Variants in GATAD2A observed in about 807,000 individuals in gnomAD.
The protein encoded by GATAD2A is GATA zinc finger domain containing 2A, also known as transcriptional repressor p66-alpha.
Under a neutral mutation model 68.5 loss-of-function variants are expected in GATAD2A, and 12 were observed. That is an observed-to-expected ratio of 0.18 (90% CI 0.11 to 0.28). GATAD2A has a LOEUF of 0.28. Among genes scored for constraint, GATAD2A ranks in the 10% least tolerant of loss-of-function variants. The probability of loss-of-function intolerance (pLI) is 1.00; values close to 1 mark genes in which losing one functional copy is unlikely to be tolerated. For synonymous variants in GATAD2A, 410 were observed against 375.3 expected (o/e 1.09, Z -1.07); for missense variants, 755 against 868.5 (o/e 0.87, Z 1.64).
intron 1 of GATAD2A, among the ~76,000 whole-genome samples, chr19:19,432,729 G>T (rs2053894093): frequency 6.6e-6 from 1 of 152,246 alleles, no homozygotes; most frequent in Non-Finnish European, 1.5e-5. Flanking sequence ...GGGTCCTAGT[G>T]TGTTGGAGGC....
rs1264672433 is a variant in GATAD2A, at chr19:19,492,332, C to T, written c.296C>T (p.Pro99Leu). The change falls in exon 3 of 12, where the codon CCC becomes CTC. Residue 99 changes from proline (P) to leucine (L), a missense_variant. Pro to Leu is a moderately conservative substitution (Grantham distance 98). Coordinates refer to ENST00000683918, the MANE Select transcript of GATAD2A (RefSeq NM_001384528.1). ...GACATGAAGTCCGAGAGGAGACCCC[C>T]CTCACCTGACGTGATTGTGCTCTCC... is the stretch of plus-strand genomic sequence containing the variant. ...HSDMKSERRP[P>L]SPDVIVLSDN... The T allele has an allele frequency of 6.2e-7, 1 of 1,607,648 alleles. No homozygotes were observed. Among genetic ancestry groups the T allele is most frequent in the African/African-American group, 1.3e-5 (1 of 74,806 alleles).
chr19:19,501,368 A>G lies in GATAD2A; in HGVS notation c.1455A>G (p.Ala485=). 6.2e-7 allele frequency: 1 copy of G among 1,610,998 alleles called. No homozygotes were observed. The highest frequency in any genetic ancestry group is 8.5e-7 in the Non-Finnish European group (1 of 1,179,196). Residue 485 remains alanine (A), a synonymous_variant, in exon 9 of 12, where the codon GCA becomes GCG. Transcript: ENST00000683918. ...TCCTGCAGCAGGGCACGGCCCCTGC[A>G]CAGGCCAAGGCCGAGCCCACCGCTG... ...QRLLQQGTAP[A]QAKAEPTAAP... is the part of the protein sequence containing the mutation.
In GATAD2A at chr19:19,472,151, C is replaced by A. The variant is rs149856362; in HGVS notation, c.269+6537C>A. ...ATCTCAAGTGATCCTCCTGCCTCAG[C>A]CTCCCAAAGTGCTGGGATTATAGAT... On this transcript the variant is annotated intron_variant, in intron 2 of 11. Transcript: ENST00000683918. 1.1e-3 allele frequency among the ~76,000 whole-genome samples: 164 copies of A among 152,328 alleles called. 1 individual carries two copies. Among genetic ancestry groups the A allele is most frequent in the African/African-American group, 3.7e-3 (152 of 41,562 alleles).
chr19:19,455,616 A>G (rs1600173256), intron 1 of GATAD2A, among the ~76,000 whole-genome samples: 1 of 152,236 alleles, frequency 6.6e-6, no homozygotes, highest in South Asian at 2.1e-4. Flanking sequence ...GAGTATTATA[A>G]GTAATCTAGA....
intron 5 of GATAD2A, 56 bp downstream of exon 5, chr19:19,494,439 C>A: frequency 8.9e-7 from 1 of 1,123,600 alleles, no homozygotes; most frequent in Non-Finnish European, 1.4e-6. Context: ...TGCTGTCAAG[C>A]ACAGGCTCCT....
chr19:19,463,946 G>A (rs993139363), intron 1 of GATAD2A, among the ~76,000 whole-genome samples: 1 of 152,210 alleles, frequency 6.6e-6, no homozygotes, highest in African/African-American at 2.4e-5. Flanking sequence ...AGGGCCTTGC[G>A]CTATTGCTCA....
intron 2 of GATAD2A, among the ~76,000 whole-genome samples, chr19:19,487,493 G>A (rs958543725): frequency 1.3e-5 from 2 of 151,594 alleles, no homozygotes; most frequent in Non-Finnish European, 1.5e-5. Context: ...TTGCTGGGCC[G>A]AGGGTGGGTG....
At chr19:19,414,587 G>A (rs993493866) in intron 1 of GATAD2A, among the ~76,000 whole-genome samples, 1 of 140,784 alleles carries the variant, frequency 7.1e-6, no homozygotes, top group East Asian at 2.0e-4. Flanking sequence ...GTCCAGTCTG[G>A]AGGGCAGTGG....
chr19:19,494,827 C>G (rs1014603876), intron 5 of GATAD2A, among the ~76,000 whole-genome samples: 2 of 152,224 alleles, frequency 1.3e-5, no homozygotes, highest in African/African-American at 2.4e-5. Flanking sequence ...AGGGGGTGAC[C>G]ATGCCCATCC....
At chr19:19,416,009 G>A (rs1262792942) in intron 1 of GATAD2A, among the ~76,000 whole-genome samples, 1 of 151,888 alleles carries the variant, frequency 6.6e-6, no homozygotes, top group Non-Finnish European at 1.5e-5. Flanking sequence ...CCAGGCTAGA[G>A]TGCAGAGGCT....
chr19:19,397,444 C>CT (rs2049345532), intron 1 of GATAD2A, among the ~76,000 whole-genome samples: 1 of 151,952 alleles, frequency 6.6e-6, no homozygotes, highest in African/African-American at 2.4e-5. Flanking sequence ...AGGCTGGTCT[C>CT]GAACTCCCGA....
intron 2 of GATAD2A, among the ~76,000 whole-genome samples, chr19:19,485,734 GCCT>G (rs1410415857): frequency 6.6e-6 from 1 of 152,188 alleles, no homozygotes; most frequent in African/African-American, 2.4e-5. Flanking sequence ...AGAGCCTCCG[GCCT>G]CCTCAGGACT....
At chr19:19,414,163 A>C (rs1393141434) in intron 1 of GATAD2A, among the ~76,000 whole-genome samples, 1 of 152,142 alleles carries the variant, frequency 6.6e-6, no homozygotes, top group Non-Finnish European at 1.5e-5. Context: ...TATAGGTTCA[A>C]ATGTAATTGC....
At chr19:19,483,582 C>G (rs2059205705) in intron 2 of GATAD2A, among the ~76,000 whole-genome samples, 2 of 151,322 alleles carry the variant, frequency 1.3e-5, no homozygotes, top group African/African-American at 4.8e-5. Flanking sequence ...AGCGGGGTGA[C>G]TCGGGAGGAC....
At chr19:19,504,629 GT>G (rs1231984598) in intron 11 of GATAD2A, among the ~76,000 whole-genome samples, 5 of 144,014 alleles carry the variant, frequency 3.5e-5, no homozygotes, top group Admixed American at 2.1e-4. Flanking sequence ...GTAGGAGATA[GT>G]TTTTTTTTCC....
chr19:19,456,153 CAAAAA>C (rs397859145), intron 1 of GATAD2A, among the ~76,000 whole-genome samples: 1 of 94,302 alleles, frequency 1.1e-5, no homozygotes, highest in Non-Finnish European at 2.2e-5. Flanking sequence ...GACTCCATCT[CAAAAA>C]AAAAAAAAAA....
At chr19:19,435,109 T>C (rs368073381) in intron 1 of GATAD2A, 1 of 533,608 alleles carries the variant, frequency 1.9e-6, no homozygotes, top group African/African-American at 1.9e-5. Context: ...AGATCCCTTA[T>C]CTGTAAAATG....
chr19:19,429,059 C>T (rs1305091803), intron 1 of GATAD2A, among the ~76,000 whole-genome samples: 1 of 147,438 alleles, frequency 6.8e-6, no homozygotes, highest in Non-Finnish European at 1.5e-5. Context: ...GTAGAAACCT[C>T]TTGGTTGGGT....
At chr19:19,497,290 T>A (rs2060217061) in intron 7 of GATAD2A, among the ~76,000 whole-genome samples, 1 of 152,202 alleles carries the variant, frequency 6.6e-6, no homozygotes, top group Non-Finnish European at 1.5e-5. Flanking sequence ...AAGACAGTGT[T>A]ACACCATGTT....
Sources: allele counts gnomAD v4.1 joint callset (sites outside exome capture counted in the v4.1 genomes callset), GRCh38; gene constraint gnomAD v4.1.1; transcripts MANE v1.5; gene names NCBI Gene and HGNC (gene_info 2026-07-23, HGNC 2026-07-21).